TBCK: variants seen among roughly 807,000 people sequenced by gnomAD.
TBCK encodes TBC domain-containing protein kinase-like protein.
A neutral mutation model predicts 113.4 loss-of-function variants in TBCK; 99 were observed. The ratio of observed to expected loss-of-function variants is 0.87; its 90% CI spans 0.74 to 1.03. The LOEUF is 1.03. Ranked by LOEUF, TBCK falls within the 50% of genes least tolerant of loss-of-function variation. TBCK has a pLI of 0.00. For synonymous variants in TBCK, 369 were observed against 370.8 expected (o/e 1.00, Z 0.05); for missense variants, 1,045 against 1,061.3 (o/e 0.98, Z 0.21).
At position 106,233,596 on chromosome 4, in the gene TBCK, C is replaced by T; in HGVS notation, c.1504G>A (p.Asp502Asn). ...AIDKDTPIPT[D>N]RQIEVDIPRC... ...GAAAACCTAAATCATACTTGTCTAT[C>T]TGTAGGAATTGGAGTGTCTTTATCA... is the stretch of plus-strand genomic sequence containing the variant. Residue 502 changes from aspartate to asparagine, a missense_variant, in exon 16 of 26, where the codon GAT (aspartate) becomes AAT (asparagine). Coordinates refer to ENST00000394708, the MANE Select transcript of TBCK (RefSeq NM_001163435.3). 6.2e-7 allele frequency: 1 copy of T among 1,610,980 alleles called. No homozygotes were observed. Among genetic ancestry groups the T allele is most frequent in the Non-Finnish European group, 8.5e-7 (1 of 1,178,154 alleles).
Position 106,061,808 on chromosome 4 carries a change from C to T in TBCK, c.2572-15128G>A, listed in dbSNP as rs114225964. On this transcript the variant is annotated intron_variant, in intron 25 of 25. Transcript: ENST00000394708. ...AGAGAAATTTACAACACTTTGCAAA[C>T]GCATAGATTCAAATGTAAAATGCAA... Among the ~76,000 whole-genome samples, 1,095 of 151,736 alleles carry T rather than the reference C, an allele frequency of 7.2e-3. 5 individuals are homozygous for T. Among genetic ancestry groups the T allele is most frequent in the Non-Finnish European group, 0.011 (731 of 67,830 alleles).
At chr4:106,236,707 C>T (rs925060979) in intron 13 of TBCK, 52 bp downstream of exon 13, 9 of 1,105,774 alleles carry the variant, frequency 8.1e-6, no homozygotes, top group Non-Finnish European at 1.1e-5. Flanking sequence ...TCTTATAAAT[C>T]TAATATAAAT....
intron 2 of TBCK, among the ~76,000 whole-genome samples, chr4:106,296,733 A>G (rs1329759684): frequency 6.6e-6 from 1 of 152,184 alleles, no homozygotes; most frequent in South Asian, 2.1e-4. Context: ...ATTGTAGAGG[A>G]AAAGGAATAA....
chr4:106,175,797 T>C (rs544672130), intron 22 of TBCK, among the ~76,000 whole-genome samples: 2 of 152,166 alleles, frequency 1.3e-5, no homozygotes, highest in South Asian at 4.1e-4. Context: ...AACATTACAA[T>C]GGCTGTGCAT....
intron 23 of TBCK, among the ~76,000 whole-genome samples, chr4:106,120,031 T>C (rs1033290388): frequency 1.3e-5 from 2 of 152,058 alleles, no homozygotes; most frequent in African/African-American, 4.8e-5. Flanking sequence ...AGATGGGTGA[T>C]TTCTGCATTT....
At chr4:106,062,560 A>G (rs1348878239) in intron 25 of TBCK, among the ~76,000 whole-genome samples, 1 of 151,954 alleles carries the variant, frequency 6.6e-6, no homozygotes, top group Non-Finnish European at 1.5e-5. Flanking sequence ...CTGAGATTCA[A>G]AAAACAGTTA....
At chr4:106,266,083 CTG>C in intron 3 of TBCK, among the ~76,000 whole-genome samples, 1 of 151,346 alleles carries the variant, frequency 6.6e-6, no homozygotes, top group African/African-American at 2.4e-5. Flanking sequence ...AATAAACTAA[CTG>C]TATAAATGGC....
chr4:106,087,544 C>T (rs1264669478), intron 25 of TBCK, among the ~76,000 whole-genome samples: 3 of 152,214 alleles, frequency 2.0e-5, no homozygotes, highest in African/African-American at 7.2e-5. Context: ...TCCCATCACA[C>T]TACCAGTGAC....
chr4:106,075,753 TAAA>T (rs1168090322), intron 25 of TBCK, among the ~76,000 whole-genome samples: 1 of 152,234 alleles, frequency 6.6e-6, no homozygotes, highest in African/African-American at 2.4e-5. Context: ...TTGGCAATCT[TAAA>T]AAGATAATTA....
intron 25 of TBCK, among the ~76,000 whole-genome samples, chr4:106,085,899 A>G (rs1246538144): frequency 6.6e-6 from 1 of 152,194 alleles, no homozygotes; most frequent in Non-Finnish European, 1.5e-5. Context: ...CTTGAAATCA[A>G]TGAGAACAAA....
intron 19 of TBCK, among the ~76,000 whole-genome samples, chr4:106,216,465 G>A (rs939684724): frequency 1.2e-4 from 18 of 152,026 alleles, no homozygotes; most frequent in Middle Eastern, 6.8e-3. Flanking sequence ...TTGATAGACC[G>A]CTAGCAAGAA....
chr4:106,122,949 C>T (rs2149591759), intron 23 of TBCK, among the ~76,000 whole-genome samples: 1 of 152,336 alleles, frequency 6.6e-6, no homozygotes, highest in East Asian at 1.9e-4. Context: ...GGAAGCATTT[C>T]CTTTGAAAAC....
At chr4:106,304,007 C>T (rs1328100603) in intron 2 of TBCK, among the ~76,000 whole-genome samples, 1 of 152,150 alleles carries the variant, frequency 6.6e-6, no homozygotes, top group Non-Finnish European at 1.5e-5. Flanking sequence ...AATGCACATA[C>T]ACACGGTTCT....
chr4:106,308,531 T>C (rs962451991), intron 2 of TBCK, among the ~76,000 whole-genome samples: 2 of 152,078 alleles, frequency 1.3e-5, no homozygotes, highest in Non-Finnish European at 2.9e-5. Context: ...GATCAAGGAC[T>C]AGATGAAGGA....
At chr4:106,083,951 A>G (rs1578845610) in intron 25 of TBCK, among the ~76,000 whole-genome samples, 1 of 152,306 alleles carries the variant, frequency 6.6e-6, no homozygotes, top group East Asian at 1.9e-4. Context: ...AGCCTCAAAG[A>G]CCAAAACTAG....
At chr4:106,060,890 T>G in intron 25 of TBCK, among the ~76,000 whole-genome samples, 1 of 151,716 alleles carries the variant, frequency 6.6e-6, no homozygotes, top group Non-Finnish European at 1.5e-5. Context: ...TGGATGACTT[T>G]GAGGAGTTCA....
chr4:106,063,246 A>C (rs756085068), intron 25 of TBCK, among the ~76,000 whole-genome samples: 1 of 152,034 alleles, frequency 6.6e-6, no homozygotes, highest in African/African-American at 2.4e-5. Context: ...GCCAGTGCTT[A>C]TAGGTATAAC....
chr4:106,122,726 C>T (rs1377012688), intron 23 of TBCK, among the ~76,000 whole-genome samples: 1 of 152,110 alleles, frequency 6.6e-6, no homozygotes, highest in African/African-American at 2.4e-5. Flanking sequence ...TCAATATACA[C>T]AAATCAATAA....
chr4:106,172,448 G>C (rs977095312), intron 22 of TBCK, among the ~76,000 whole-genome samples: 9 of 152,120 alleles, frequency 5.9e-5, no homozygotes, highest in African/African-American at 1.7e-4. Context: ...AGAAATTCAA[G>C]AAGTTGACTG....
Sources: gnomAD v4.1 joint callset for allele counts (sites outside exome capture counted in the v4.1 genomes callset) on GRCh38, gnomAD v4.1.1 for gene constraint, MANE v1.5 for transcripts, NCBI Gene and HGNC (gene_info 2026-07-23, HGNC 2026-07-21) for gene names.